SRBD1: variants seen among roughly 807,000 people sequenced by gnomAD.
SRBD1 encodes the protein S1 RNA binding domain 1, also known as S1 RNA-binding domain-containing protein 1.
SRBD1 carries 88 observed loss-of-function variants against 115.3 expected under a neutral mutation model. That is an observed-to-expected ratio of 0.76 (90% CI 0.64 to 0.91). The LOEUF is 0.91. SRBD1 is among the 40% of genes least tolerant of loss of function. SRBD1 has a pLI of 0.00. For synonymous variants in SRBD1, 509 were observed against 407.7 expected (o/e 1.25, Z -2.99); for missense variants, 1,385 against 1,177.4 (o/e 1.18, Z -2.58).
At chr2:45,459,063 AGTTT>A (rs1461091632) in intron 16 of SRBD1, among the ~76,000 whole-genome samples, 2 of 152,144 alleles carry the variant, frequency 1.3e-5, no homozygotes, top group East Asian at 1.9e-4. Context: ...CAAACTACAG[AGTTT>A]GTTTCTGTTG....
rs75787259 is a variant in SRBD1 at position 45,605,351 on chromosome 2, A to C, written c.80+11T>G. On this transcript the variant is annotated intron_variant, in intron 2 of 20. Transcript: ENST00000263736. ...CATTCCCCTACCCACATATTAAACC[A>C]GTATGCTTACAACTCAGAGAATGAA... The C allele has an allele frequency of 3.1e-3, 5,063 of 1,609,216 alleles. 137 individuals are homozygous for C. In the African/African-American group the frequency reaches 0.061, roughly 19 times the overall value.
At chr2:45,553,791 C>T in intron 10 of SRBD1, 61 bp from the exon 11 acceptor site, 1 of 1,116,496 alleles carries the variant, frequency 9.0e-7, no homozygotes, top group Non-Finnish European at 1.2e-6. Flanking sequence ...CATAAAAAGG[C>T]TCCCAAAAAG....
chr2:45,418,925 A>C (rs1667917542), intron 17 of SRBD1, among the ~76,000 whole-genome samples: 1 of 152,186 alleles, frequency 6.6e-6, no homozygotes, highest in African/African-American at 2.4e-5. Flanking sequence ...AAGAAGTTAT[A>C]ATAGCTACAA....
Position 45,599,779 on chromosome 2 carries a change from A to G in SRBD1, c.318T>C (p.Asp106=), listed in dbSNP as rs1419832866. The G allele has an allele frequency of 6.2e-7, 1 of 1,613,942 alleles. No homozygotes were observed. Among genetic ancestry groups the G allele is most frequent in the African/African-American group, 1.3e-5 (1 of 74,892 alleles). Reference sequence around the variant, plus strand: ...TGGCTGTTTTCAGAGTCTGTACAGTATCCAATTTATTTTTTCTGTCTTCTA... The same window carrying G: ...TGGCTGTTTTCAGAGTCTGTACAGTGTCCAATTTATTTTTTCTGTCTTCTA... ...TALEDRKNKL[D]TVQTLKTAKT... The change falls in exon 4 of 21, where the codon GAT becomes GAC. Residue 106 remains aspartate (D), a synonymous_variant. Coordinates refer to ENST00000263736, the MANE Select transcript of SRBD1 (RefSeq NM_018079.5).
At chr2:45,500,698 G>A (rs771699791) in intron 14 of SRBD1, among the ~76,000 whole-genome samples, 1 of 152,288 alleles carries the variant, frequency 6.6e-6, no homozygotes, top group East Asian at 1.9e-4. Flanking sequence ...TTACAGGTGT[G>A]AGCCACCACA....
chr2:45,480,847 T>C (rs1019853948), intron 15 of SRBD1, among the ~76,000 whole-genome samples: 1 of 152,176 alleles, frequency 6.6e-6, no homozygotes, highest in Non-Finnish European at 1.5e-5. Context: ...ATGGATAATA[T>C]GGACTTCAAT....
At chr2:45,511,949 T>C (rs1670984112) in intron 14 of SRBD1, among the ~76,000 whole-genome samples, 1 of 152,206 alleles carries the variant, frequency 6.6e-6, no homozygotes, top group Non-Finnish European at 1.5e-5. Context: ...CTTCCAATGC[T>C]AATCTCCTTT....
intron 14 of SRBD1, among the ~76,000 whole-genome samples, chr2:45,503,703 C>A (rs1481564334): frequency 1.3e-5 from 2 of 152,064 alleles, no homozygotes; most frequent in Non-Finnish European, 2.9e-5. Context: ...CATACTTCAA[C>A]AAATGTAAAA....
At chr2:45,554,928 T>G (rs1469023748) in intron 10 of SRBD1, among the ~76,000 whole-genome samples, 1 of 152,140 alleles carries the variant, frequency 6.6e-6, no homozygotes, top group African/African-American at 2.4e-5. Context: ...TTTCAGGTCC[T>G]GTGTACCAAT....
chr2:45,392,798 G>T, intron 20 of SRBD1, 147 bp downstream of exon 20: 2 of 842,666 alleles, frequency 2.4e-6, no homozygotes, highest in Middle Eastern at 2.9e-4. Flanking sequence ...TGACTTTGAA[G>T]GAAGATCACC....
At chr2:45,514,032 C>T (rs1019651656) in intron 14 of SRBD1, among the ~76,000 whole-genome samples, 2 of 152,042 alleles carry the variant, frequency 1.3e-5, no homozygotes, top group Admixed American at 1.3e-4. Flanking sequence ...AGTTCAGTTT[C>T]CTCACCTATC....
At chr2:45,463,269 T>C (rs1362749159) in intron 16 of SRBD1, among the ~76,000 whole-genome samples, 1 of 152,196 alleles carries the variant, frequency 6.6e-6, no homozygotes, top group Non-Finnish European at 1.5e-5. Flanking sequence ...CTTCAACTCT[T>C]ATACCTTAGG....
At chr2:45,469,383 C>T (rs1162045165) in intron 16 of SRBD1, among the ~76,000 whole-genome samples, 1 of 152,140 alleles carries the variant, frequency 6.6e-6, no homozygotes, top group African/African-American at 2.4e-5. Flanking sequence ...TGAAATGGAT[C>T]TAGTTTCACT....
chr2:45,552,964 T>A (rs1672350113), intron 11 of SRBD1, among the ~76,000 whole-genome samples: 1 of 152,164 alleles, frequency 6.6e-6, no homozygotes, highest in South Asian at 2.1e-4. Flanking sequence ...TGCTGAAACC[T>A]ACAAAGAAAT....
Position 45,551,248 on chromosome 2 carries a change from C to G in SRBD1, c.1552G>C (p.Val518Leu), listed in dbSNP as rs1257934797. 6 of 1,607,492 alleles carry G rather than the reference C, an allele frequency of 3.7e-6. No individual in the cohort carries two copies. The African/African-American group carries it at 8.0e-5, about 22-fold the overall frequency. Reference protein sequence around the residue: ...KLTSDAEKESVMMFGRNLRQL... With the variant: ...KLTSDAEKESLMMFGRNLRQL... Reference sequence around the variant, plus strand: ...CGAAGGTTCCGTCCAAACATCATTACTGATTCCTTCTCTGCATCTGATGTT... The same window carrying G: ...CGAAGGTTCCGTCCAAACATCATTAGTGATTCCTTCTCTGCATCTGATGTT... The change falls in exon 12 of 21, where the codon GTA becomes CTA. Residue 518 changes from valine (V) to leucine (L), a missense_variant. Transcript: ENST00000263736.
rs1172169991 is a variant in SRBD1, at chr2:45,573,299, C to G, written c.1213G>C (p.Val405Leu). 3.1e-6 allele frequency: 5 copies of G among 1,611,902 alleles called. No individual in the cohort carries two copies. The highest frequency in any genetic ancestry group is 4.2e-6 in the Non-Finnish European group (5 of 1,179,214). Residue 405 changes from valine (V) to leucine (L), a missense_variant, in exon 9 of 21, where the codon GTA becomes CTA. By Grantham distance (32) the Val-to-Leu change is conservative. Coordinates refer to ENST00000263736, the MANE Select transcript of SRBD1 (RefSeq NM_018079.5). ...TTCTCATTTACCTTTTTTGAGGATACTTTTGCCAGAGATGACTGGATACAA... is the reference window on the plus strand; with the variant it reads ...TTCTCATTTACCTTTTTTGAGGATAGTTTTGCCAGAGATGACTGGATACAA... ...HVCIQSSLAK[V>L]SSKKVNEKDV...
chr2:45,416,396 T>C (rs1332496598), intron 18 of SRBD1, among the ~76,000 whole-genome samples: 1 of 152,182 alleles, frequency 6.6e-6, no homozygotes, highest in Non-Finnish European at 1.5e-5. Flanking sequence ...TCACAAATCT[T>C]CAAGTACCTA....
At chr2:45,410,193 A>T (rs1238506273) in intron 19 of SRBD1, among the ~76,000 whole-genome samples, 1 of 152,218 alleles carries the variant, frequency 6.6e-6, no homozygotes, top group African/African-American at 2.4e-5. Flanking sequence ...AAAACCACAT[A>T]GATCTTTCCA....
chr2:45,526,066 CA>C, intron 14 of SRBD1, among the ~76,000 whole-genome samples: 1 of 152,092 alleles, frequency 6.6e-6, no homozygotes, highest in African/African-American at 2.4e-5. Context: ...GTTCCCCAAA[CA>C]ATCACAGAGT....
Sources: gnomAD v4.1 joint callset for allele counts (sites outside exome capture counted in the v4.1 genomes callset) on GRCh38, gnomAD v4.1.1 for gene constraint, MANE v1.5 for transcripts, NCBI Gene and HGNC (gene_info 2026-07-23, HGNC 2026-07-21) for gene names.